Variants in SV2B observed in about 807,000 individuals in gnomAD.
SV2B encodes solute carrier family 22 member B2.
SV2B carries 41 observed loss-of-function variants against 73.9 expected under a neutral mutation model. The ratio of observed to expected loss-of-function variants is 0.56; its 90% CI spans 0.43 to 0.72. The LOEUF is 0.72. Ranked by LOEUF, SV2B falls within the 30% of genes least tolerant of loss-of-function variation. The pLI, the probability that SV2B is intolerant of heterozygous loss-of-function variation, is 0.00. For missense variants in SV2B, 764 were observed against 857.8 expected, an observed-to-expected ratio of 0.89 and a Z score of 1.37; for synonymous variants, 314 against 314.2, an observed-to-expected ratio of 1.00 and a Z score of 0.01.
intron 1 of SV2B, among the ~76,000 whole-genome samples, chr15:91,125,282 C>A (rs1175000340): frequency 6.6e-6 from 1 of 152,154 alleles, no homozygotes; most frequent in African/African-American, 2.4e-5. Flanking sequence ...TTTGAGGGGA[C>A]AGAATTCAGT....
Position 91,260,322 on chromosome 15 carries a change from G to T in SV2B, c.921G>T (p.Met307Ile), listed in dbSNP as rs1162138690. The T allele has an allele frequency of 1.2e-6, 2 of 1,608,764 alleles. No individual in the cohort carries two copies. Among genetic ancestry groups the T allele is most frequent in the South Asian group, 2.2e-5 (2 of 89,804 alleles). The part of the protein sequence containing the change: ...MPESPRFLLE[M>I]GKHDEAWMIL... Reference sequence around the variant, plus strand: ...GTGTCTTTCCTTGGTTTCACCAGATGGGCAAACATGATGAAGCCTGGATGA... The same window carrying T: ...GTGTCTTTCCTTGGTTTCACCAGATTGGCAAACATGATGAAGCCTGGATGA... Residue 307 changes from methionine (M) to isoleucine (I), a missense_variant and splice_region_variant, in exon 6 of 13, where the codon ATG becomes ATT. Physicochemically the swap from Met to Ile is conservative, Grantham distance 10. Transcript: ENST00000394232.
Position 91,220,482 on chromosome 15 carries a change from G to T in SV2B, c.-391-5391G>T, listed in dbSNP as rs942880979. ...TTTCACTGAAAGGAGAATATTAAAAGCCTAATGCTCTACAGAACAGATTTT... is the reference window on the plus strand; with the variant it reads ...TTTCACTGAAAGGAGAATATTAAAATCCTAATGCTCTACAGAACAGATTTT... On this transcript the variant is annotated intron_variant, in intron 1 of 12. Coordinates refer to ENST00000394232, the MANE Select transcript of SV2B (RefSeq NM_001323032.3). The surrounding 1 kb of genome is among the most constrained non-coding windows in gnomAD (Gnocchi z 4.1). 1.3e-5 allele frequency among the ~76,000 whole-genome samples: 2 copies of T among 152,210 alleles called. No homozygotes were observed. The highest frequency in any genetic ancestry group is 1.3e-4 in the Admixed American group (2 of 15,282).
intron 1 of SV2B, among the ~76,000 whole-genome samples, chr15:91,143,025 TACTC>T (rs1235384841): frequency 6.6e-6 from 1 of 152,246 alleles, no homozygotes; most frequent in African/African-American, 2.4e-5. Context: ...AGGCTCCTCT[TACTC>T]ACCTGTGACA....
At chr15:91,211,849 C>G (rs1198794762) in intron 1 of SV2B, among the ~76,000 whole-genome samples, 1 of 146,836 alleles carries the variant, frequency 6.8e-6, no homozygotes, top group African/African-American at 2.6e-5. Flanking sequence ...CTGTGTTGCC[C>G]AAGCTGGTCT....
At chr15:91,166,661 A>G (rs1010797907) in intron 1 of SV2B, among the ~76,000 whole-genome samples, 21 of 151,866 alleles carry the variant, frequency 1.4e-4, no homozygotes, top group Admixed American at 1.0e-3. Flanking sequence ...TATATCCTCT[A>G]TTATTCAGAT....
At chr15:91,275,678 TAGTC>T (rs1695913007) in intron 9 of SV2B, among the ~76,000 whole-genome samples, 2 of 152,080 alleles carry the variant, frequency 1.3e-5, no homozygotes, top group Admixed American at 1.3e-4. Context: ...TACAAAAAAT[TAGTC>T]AGGCATGGTG....
Position 91,132,012 on chromosome 15 carries a change from A to G in SV2B, c.-392+31649A>G, listed in dbSNP as rs2042668017. On this transcript the variant is annotated intron_variant, in intron 1 of 12. Coordinates refer to ENST00000394232, the MANE Select transcript of SV2B (RefSeq NM_001323032.3). The surrounding 1 kb of genome is among the most constrained non-coding windows in gnomAD (Gnocchi z 4.6). ...AAACTTAGCCAAGTGTGGTGATGTC[A>G]CTGGTAGAGGGTCGTGACTGCAAGT... 6.6e-6 allele frequency among the ~76,000 whole-genome samples: 1 copy of G among 152,200 alleles called. No homozygotes were observed. Among genetic ancestry groups the G allele is most frequent in the Non-Finnish European group, 1.5e-5 (1 of 68,030 alleles).
At chr15:91,264,913 C>T (rs2048048751) in intron 6 of SV2B, among the ~76,000 whole-genome samples, 1 of 152,006 alleles carries the variant, frequency 6.6e-6, no homozygotes, top group Admixed American at 6.6e-5. Flanking sequence ...AGTTTTAACC[C>T]AACAGGAAGA....
At chr15:91,269,064 G>T (rs986136903) in intron 9 of SV2B, among the ~76,000 whole-genome samples, 1 of 151,882 alleles carries the variant, frequency 6.6e-6, no homozygotes, top group Non-Finnish European at 1.5e-5. Flanking sequence ...CCTTTGGAGC[G>T]TTGATCAGTA....
At chr15:91,244,031 T>C (rs556816195) in intron 2 of SV2B, among the ~76,000 whole-genome samples, 1 of 152,326 alleles carries the variant, frequency 6.6e-6, no homozygotes, top group South Asian at 2.1e-4. Flanking sequence ...TCTTTCTTCA[T>C]GGGCTATGTC....
Position 91,133,217 on chromosome 15 carries a change from T to C in SV2B, c.-392+32854T>C, listed in dbSNP as rs867317461. 2.8e-4 allele frequency among the ~76,000 whole-genome samples: 42 copies of C among 152,264 alleles called. 1 individual carries two copies. Among genetic ancestry groups the C allele is most frequent in the African/African-American group, 9.9e-4 (41 of 41,556 alleles). On this transcript the variant is annotated intron_variant, in intron 1 of 12. Coordinates refer to ENST00000394232, the MANE Select transcript of SV2B (RefSeq NM_001323032.3). ...TGCATCTCCTGCCCACAGCACAGAC[T>C]GGGTCTCGGGGCTAATTAGACATGA...
intron 1 of SV2B, among the ~76,000 whole-genome samples, chr15:91,211,507 CTT>C (rs1338583137): frequency 3.6e-4 from 51 of 139,854 alleles, no homozygotes; most frequent in East Asian, 4.1e-4. Flanking sequence ...CTTCTTCTTC[CTT>C]TTTTTTTTTT....
At chr15:91,249,068 T>TCACATACACACACACACACA (rs1290015975) in intron 2 of SV2B, among the ~76,000 whole-genome samples, 70 of 142,116 alleles carry the variant, frequency 4.9e-4, no homozygotes, top group Middle Eastern at 3.8e-3. Context: ...ATCTACGTTT[T>TCACATACACACACACACACA]CACACACACA....
chr15:91,225,707 G>A (rs1410671500), intron 1 of SV2B, among the ~76,000 whole-genome samples, 166 bp from the exon 2 acceptor site: 2 of 152,040 alleles, frequency 1.3e-5, no homozygotes, highest in Non-Finnish European at 2.9e-5. Context: ...CACTCTCACC[G>A]ATTCAATCCT....
rs1382884258 is a variant in SV2B at position 91,240,160 on chromosome 15, A to G, written c.452-11659A>G. On this transcript the variant is annotated intron_variant, in intron 2 of 12. Transcript: ENST00000394232. The surrounding 1 kb of genome is among the most constrained non-coding windows in gnomAD (Gnocchi z 4.6). ...GACCAACAGAGTCTATTGCAGGCAC[A>G]AGGTTTTTAAAGATAGGCTGTTTGA... 2.0e-5 allele frequency among the ~76,000 whole-genome samples: 3 copies of G among 152,204 alleles called. No homozygotes were observed. The highest frequency in any genetic ancestry group is 4.4e-5 in the Non-Finnish European group (3 of 68,032).
At chr15:91,186,154 C>G (rs946298106) in intron 1 of SV2B, among the ~76,000 whole-genome samples, 4 of 152,136 alleles carry the variant, frequency 2.6e-5, no homozygotes, top group Non-Finnish European at 1.5e-5. Context: ...CCTGGCCTAT[C>G]TGGATATTTA....
intron 1 of SV2B, among the ~76,000 whole-genome samples, chr15:91,189,791 G>A (rs1428773268): frequency 7.9e-5 from 12 of 152,134 alleles, no homozygotes; most frequent in African/African-American, 2.2e-4. Context: ...GATCGAGACC[G>A]TCCTGGCTAA....
Position 91,134,344 on chromosome 15 carries a change from C to A in SV2B, c.-392+33981C>A, listed in dbSNP as rs1244361069. Among the ~76,000 whole-genome samples the A allele has an allele frequency of 2.0e-5, 3 of 152,104 alleles. No homozygotes were observed. The East Asian group carries it at 5.8e-4, about 29-fold the overall frequency. ...CACTCAACTTCTTCTTTCCCAGGGA[C>A]CTCTTTGCATTTTCTGATAAGGATG... On this transcript the variant is annotated intron_variant, in intron 1 of 12. Coordinates refer to ENST00000394232, the MANE Select transcript of SV2B (RefSeq NM_001323032.3).
chr15:91,157,620 T>C (rs1177828880), intron 1 of SV2B, among the ~76,000 whole-genome samples: 4 of 152,220 alleles, frequency 2.6e-5, no homozygotes, highest in Non-Finnish European at 5.9e-5. Context: ...AACACTGTGA[T>C]GCAGATGCCA....
Sources: gnomAD v4.1 joint callset for allele counts (sites outside exome capture counted in the v4.1 genomes callset) on GRCh38, gnomAD v4.1.1 for gene constraint, Gnocchi (gnomAD v3.1) non-coding constraint, MANE v1.5 for transcripts, NCBI Gene and HGNC (gene_info 2026-07-23, HGNC 2026-07-21) for gene names.